The following EFHD2 variants were observed in gnomAD, a reference collection of about 807,000 sequenced individuals.
EFHD2 encodes EF-hand domain-containing protein D2.
A neutral mutation model predicts 20.3 loss-of-function variants in EFHD2; 12 were observed. The ratio of observed to expected loss-of-function variants is 0.59; its 90% confidence interval spans 0.38 to 0.96. The LOEUF is 0.96. Among genes scored for constraint, EFHD2 ranks in the 40% least tolerant of loss-of-function variants. The pLI, the probability that EFHD2 is intolerant of heterozygous loss-of-function variation, is 0.00. For missense variants in EFHD2, 250 were observed against 334.3 expected, an observed-to-expected ratio of 0.75 and a Z score of 1.97; for synonymous variants, 131 against 143.9, an observed-to-expected ratio of 0.91 and a Z score of 0.64.
In EFHD2 at chr1:15,426,678, G is replaced by A. The variant is rs1434490694; in HGVS notation, c.457-472G>A. Among the ~76,000 whole-genome samples, 1 of 152,134 alleles carries A rather than the reference G, an allele frequency of 6.6e-6. No homozygotes were observed. The highest frequency in any genetic ancestry group is 1.5e-5 in the Non-Finnish European group (1 of 68,016). ...GGGAGTGCGAGTGGCTGGGCGGGAG[G>A]TGTGGGCAGTGCAGGGTAACAGCTT... On this transcript the variant is annotated intron_variant, in intron 2 of 3. Coordinates refer to ENST00000375980, the MANE Select transcript of EFHD2 (RefSeq NM_024329.6). The surrounding 1 kb of genome is among the most constrained non-coding windows in gnomAD (Gnocchi z 4.6).
intron 1 of EFHD2, 40 bp downstream of exon 1, chr1:15,410,319 ACCCGG>A: frequency 6.7e-7 from 1 of 1,484,974 alleles, no homozygotes; most frequent in Non-Finnish European, 9.0e-7. Context: ...CCGCCCCGCG[ACCCGG>A]TCTCGGGCCC....
chr1:15,415,811 C>T (rs1707658142), intron 1 of EFHD2, among the ~76,000 whole-genome samples: 2 of 152,122 alleles, frequency 1.3e-5, no homozygotes, highest in South Asian at 4.1e-4. Flanking sequence ...TTTTTATCCC[C>T]ATTTGACAGA....
chr1:15,421,073 CTT>C (rs941692130), intron 1 of EFHD2, among the ~76,000 whole-genome samples: 1 of 152,298 alleles, frequency 6.6e-6, no homozygotes, highest in South Asian at 2.1e-4. Context: ...TGTATCGTCT[CTT>C]TTAATCCTTG....
intron 1 of EFHD2, among the ~76,000 whole-genome samples, chr1:15,418,639 C>T (rs187892049): frequency 1.3e-5 from 2 of 149,900 alleles, no homozygotes; most frequent in Admixed American, 1.3e-4. Flanking sequence ...CAAGATAGGC[C>T]CCCCCTTAAG....
chr1:15,409,955 G>T lies in EFHD2; in HGVS notation c.-17G>T. On this transcript the variant is annotated 5_prime_UTR_variant, in exon 1 of 4. Transcript: ENST00000375980. Reference sequence around the variant, plus strand: ...GAGAGCAGGGGCCCGGCCAAGGCGAGTGCCGCGCGGGCCACCATGGCCACG... The same window carrying T: ...GAGAGCAGGGGCCCGGCCAAGGCGATTGCCGCGCGGGCCACCATGGCCACG... 3 of 1,231,556 alleles carry T rather than the reference G, an allele frequency of 2.4e-6. No individual in the cohort carries two copies. The highest frequency in any genetic ancestry group is 3.2e-4 in the Middle Eastern group (1 of 3,142). 76.3% of individuals were successfully genotyped at this position (1,231,556 alleles called of 1,614,324 possible).
Position 15,428,785 on chromosome 1 carries a change from G to T in EFHD2, c.*61G>T. 6.5e-7 allele frequency: 1 copy of T among 1,547,654 alleles called. No homozygotes were observed. Among genetic ancestry groups the T allele is most frequent in the South Asian group, 1.2e-5 (1 of 83,842 alleles). On this transcript the variant is annotated 3_prime_UTR_variant, in exon 4 of 4. Coordinates refer to ENST00000375980, the MANE Select transcript of EFHD2 (RefSeq NM_024329.6). ...GTGTGGTGGGCGAGGGTGGCGCATG[G>T]GAGGCCGAGCCTGAATCCTTGCCTG...
rs1456100336 is a variant in EFHD2 at position 15,430,081 on chromosome 1, A to AT, written c.*1363dup. The AT allele has an allele frequency of 2.6e-5, 4 of 152,606 alleles. No homozygotes were observed. Among genetic ancestry groups the AT allele is most frequent in the Admixed American group, 2.6e-4 (4 of 15,280 alleles). 9.5% of individuals were successfully genotyped at this position (152,606 alleles called of 1,614,324 possible). On this transcript the variant is annotated 3_prime_UTR_variant, in exon 4 of 4. Transcript: ENST00000375980. The stretch of plus-strand genomic sequence containing the variant: ...AGCTACGCGGACTTGCAGAGGTTTT[A>AT]TTTTTTGGCCTTAGAATCTGCAGAA...
At chr1:15,410,510 T>A (rs1025913373) in intron 1 of EFHD2, among the ~76,000 whole-genome samples, 4 of 151,774 alleles carry the variant, frequency 2.6e-5, no homozygotes, top group African/African-American at 7.3e-5. Context: ...CGGCGGAGAC[T>A]CGTATTTGTG....
intron 1 of EFHD2, among the ~76,000 whole-genome samples, chr1:15,411,432 C>T (rs75301320): frequency 0.017 from 2,552 of 152,240 alleles, 77 homozygotes; most frequent in African/African-American, 0.058. Context: ...GGAGAGAGGG[C>T]CCAGCTCCCT....
intron 1 of EFHD2, among the ~76,000 whole-genome samples, chr1:15,414,942 A>C (rs1707631344): frequency 6.6e-6 from 1 of 152,194 alleles, no homozygotes; most frequent in Admixed American, 6.5e-5. Flanking sequence ...TGCTCCAGGC[A>C]AGGGACTCAG....
rs1036250512 is a variant in EFHD2, at chr1:15,428,913, T to G, written c.*189T>G. ...GGCCCCTCCCCGCTCCCTTCCACTC[T>G]GCACGAGGCCGCCACACCGGCGCTG... On this transcript the variant is annotated 3_prime_UTR_variant, in exon 4 of 4. Transcript: ENST00000375980. 10 of 843,398 alleles carry G rather than the reference T, an allele frequency of 1.2e-5. No homozygotes were observed. The highest frequency in any genetic ancestry group is 1.8e-5 in the Non-Finnish European group (10 of 563,284). 52.2% of individuals were successfully genotyped at this position (843,398 alleles called of 1,614,324 possible). A position where few individuals can be genotyped will look rare whatever the true frequency, so the allele number is the denominator to read the frequency against.
At chr1:15,417,561 G>T (rs7529567) in intron 1 of EFHD2, among the ~76,000 whole-genome samples, 19,620 of 150,440 alleles carry the variant, frequency 0.13, 1,321 homozygotes, top group Middle Eastern at 0.24. Context: ...CTATCTCTCC[G>T]TCTCTCTCTC....
At chr1:15,418,274 G>A (rs1285424023) in intron 1 of EFHD2, among the ~76,000 whole-genome samples, 1 of 147,496 alleles carries the variant, frequency 6.8e-6, no homozygotes, top group Non-Finnish European at 1.5e-5. Context: ...ACAGGCGTGA[G>A]CCACTGCACC....
chr1:15,416,453 CAG>C (rs1284428873), intron 1 of EFHD2, among the ~76,000 whole-genome samples: 2 of 152,234 alleles, frequency 1.3e-5, no homozygotes, highest in Non-Finnish European at 2.9e-5. Context: ...TCAAGGACAA[CAG>C]AGAGGCAGGG....
chr1:15,415,299 A>G (rs1707641379), intron 1 of EFHD2, among the ~76,000 whole-genome samples: 1 of 152,098 alleles, frequency 6.6e-6, no homozygotes, highest in Non-Finnish European at 1.5e-5. Context: ...TTCTGCCATG[A>G]TTACCGAAAG....
In EFHD2 at chr1:15,410,123, C is replaced by T. The variant is rs555231099; in HGVS notation, c.152C>T (p.Ala51Val). ...PDEAAEALGS[A>V]DCELSAKLLR... ...GAGGCGGCCGAGGCGCTGGGCAGCGCGGACTGCGAGCTGAGCGCCAAGCTG... is the reference window on the plus strand; with the variant it reads ...GAGGCGGCCGAGGCGCTGGGCAGCGTGGACTGCGAGCTGAGCGCCAAGCTG... The change falls in exon 1 of 4, where the codon GCG becomes GTG. Residue 51 changes from alanine to valine, a missense_variant. This residue lies in a region of EFHD2 where 143 missense variants were observed against 190.6 expected (regional missense o/e 0.75). Coordinates refer to ENST00000375980, the MANE Select transcript of EFHD2 (RefSeq NM_024329.6). 15 of 1,574,550 alleles carry T rather than the reference C, an allele frequency of 9.5e-6. No homozygotes were observed. The Admixed American group carries it at 2.0e-4, about 21-fold the overall frequency.
At chr1:15,424,559 C>A (rs1707842078) in intron 1 of EFHD2, among the ~76,000 whole-genome samples, 1 of 152,146 alleles carries the variant, frequency 6.6e-6, no homozygotes, top group South Asian at 2.1e-4. Flanking sequence ...CCGGCTTCCC[C>A]ACCACCCCGC....
At chr1:15,420,740 G>A (rs1057134878) in intron 1 of EFHD2, among the ~76,000 whole-genome samples, 13 of 152,014 alleles carry the variant, frequency 8.6e-5, no homozygotes, top group Non-Finnish European at 1.3e-4. Flanking sequence ...GGCTGGTCTC[G>A]AACTCCTGAC....
chr1:15,410,579 G>A (rs1057255543), intron 1 of EFHD2, among the ~76,000 whole-genome samples: 1 of 152,138 alleles, frequency 6.6e-6, no homozygotes, highest in African/African-American at 2.4e-5. Flanking sequence ...CTTCCTTCCA[G>A]ATAATCGCCA....
Sources: gnomAD v4.1 joint callset for allele counts (sites outside exome capture counted in the v4.1 genomes callset) on GRCh38, gnomAD v4.1.1 for gene constraint, gnomAD v4.1.1 regional missense constraint, Gnocchi (gnomAD v3.1) non-coding constraint, MANE v1.5 for transcripts, NCBI Gene and HGNC (gene_info 2026-07-23, HGNC 2026-07-21) for gene names.